ABCC8: variants seen among roughly 807,000 people sequenced by gnomAD.
ABCC8 encodes ATP binding cassette subfamily C member 8, also known as ATP-binding cassette sub-family C member 8.
Under a neutral mutation model 188.0 loss-of-function variants are expected in ABCC8, and 137 were observed. That is an observed-to-expected ratio of 0.73 (90% CI 0.63 to 0.84). The LOEUF (loss-of-function observed/expected upper bound fraction) is 0.84. Ranked by LOEUF, ABCC8 falls within the 40% of genes least tolerant of loss-of-function variation. The probability of loss-of-function intolerance (pLI) is 0.00; values close to 1 mark genes in which losing one functional copy is unlikely to be tolerated. For synonymous variants in ABCC8, 797 were observed against 846.5 expected, an observed-to-expected ratio of 0.94 and a Z score of 1.01; for missense variants, 1,750 against 2,072.7, an observed-to-expected ratio of 0.84 and a Z score of 3.02.
chr11:17,416,822 G>T, intron 17 of ABCC8, 108 bp downstream of exon 17: 1 of 1,491,022 alleles, frequency 6.7e-7, no homozygotes, highest in Non-Finnish European at 9.3e-7. Context: ...TATGTAGGCT[G>T]CACATCCCTG....
chr11:17,433,511 G>C (rs1353843659), intron 10 of ABCC8, among the ~76,000 whole-genome samples: 1 of 152,270 alleles, frequency 6.6e-6, no homozygotes, highest in Non-Finnish European at 1.5e-5. Flanking sequence ...GTACATCAGA[G>C]ATGTGGTCCC....
intron 6 of ABCC8, among the ~76,000 whole-genome samples, chr11:17,459,721 C>T (rs1361267224): frequency 6.6e-6 from 1 of 152,212 alleles, no homozygotes; most frequent in African/African-American, 2.4e-5. Flanking sequence ...ACCTAAACGG[C>T]TGCAAGGAAA....
chr11:17,400,720 C>T (rs1954197131), intron 29 of ABCC8, among the ~76,000 whole-genome samples: 2 of 152,370 alleles, frequency 1.3e-5, no homozygotes, highest in South Asian at 2.1e-4. Context: ...GCGCCAGCCC[C>T]CGCAGTCTGT....
chr11:17,423,075 C>T (rs774974742), intron 16 of ABCC8, among the ~76,000 whole-genome samples: 3 of 151,930 alleles, frequency 2.0e-5, no homozygotes, highest in Non-Finnish European at 2.9e-5. Context: ...AAAAGCGGGG[C>T]CGGCCAGGGG....
rs978356369 is a variant in ABCC8, at chr11:17,406,869, C to T, written c.3162+19G>A. On this transcript the variant is annotated intron_variant, in intron 25 of 38. Coordinates refer to ENST00000389817, the MANE Select transcript of ABCC8 (RefSeq NM_000352.6). Reference sequence around the variant, plus strand: ...CCCCATCCCCACTCCCAACCTCTGCCATGGGCCGCCAGTCACACCTGGCTG... The same window carrying T: ...CCCCATCCCCACTCCCAACCTCTGCTATGGGCCGCCAGTCACACCTGGCTG... 29 of 1,614,050 alleles carry T rather than the reference C, an allele frequency of 1.8e-5. No homozygotes were observed. The highest frequency in any genetic ancestry group is 2.5e-5 in the Non-Finnish European group (29 of 1,180,056).
chr11:17,394,649 G>C (rs1341554804), intron 36 of ABCC8, among the ~76,000 whole-genome samples: 1 of 152,168 alleles, frequency 6.6e-6, no homozygotes, highest in Non-Finnish European at 1.5e-5. Context: ...AGTTCTGGGA[G>C]GGGGCGTGTG....
chr11:17,432,288 C>T lies in ABCC8; in HGVS notation c.1631-44G>A, dbSNP rs1157767915. 7 of 1,551,752 alleles carry T rather than the reference C, an allele frequency of 4.5e-6. No individual in the cohort carries two copies. In the Admixed American group the frequency reaches 7.8e-5, roughly 17 times the overall value. On this transcript the variant is annotated intron_variant, in intron 10 of 38. Coordinates refer to ENST00000389817, the MANE Select transcript of ABCC8 (RefSeq NM_000352.6). ...GAGGCGTTTAGTGGGAGGAGCGTGA[C>T]AGCTACACATGGAGATGCCCAGGAT...
intron 4 of ABCC8, 150 bp from the exon 5 acceptor site, chr11:17,461,975 G>A: frequency 7.2e-7 from 1 of 1,392,698 alleles, no homozygotes; most frequent in Non-Finnish European, 9.5e-7. Context: ...CCAGGAAAAG[G>A]ATTCCCCAAC....
intron 35 of ABCC8, 70 bp downstream of exon 35, chr11:17,395,540 T>G: frequency 6.5e-7 from 1 of 1,528,468 alleles, no homozygotes. Context: ...CCCCCTCCTC[T>G]TTGTGCTCCA....
chr11:17,440,496 T>C (rs1956272786), intron 10 of ABCC8, among the ~76,000 whole-genome samples: 2 of 152,144 alleles, frequency 1.3e-5, no homozygotes, highest in South Asian at 4.1e-4. Context: ...TTAGCCTGAG[T>C]GTGTTTGGAG....
chr11:17,419,493 AAC>A (rs1252189130), intron 16 of ABCC8, among the ~76,000 whole-genome samples: 1 of 152,264 alleles, frequency 6.6e-6, no homozygotes, highest in Admixed American at 6.5e-5. Flanking sequence ...GGGAAAAGTA[AAC>A]ACAAATGCAT....
chr11:17,447,842 C>T (rs879595954), intron 8 of ABCC8, among the ~76,000 whole-genome samples: 2 of 152,140 alleles, frequency 1.3e-5, no homozygotes, highest in Admixed American at 6.6e-5. Flanking sequence ...ATCTTATACA[C>T]GCTTATTAGA....
chr11:17,424,366 C>T (rs1215031187), intron 16 of ABCC8, among the ~76,000 whole-genome samples: 1 of 152,176 alleles, frequency 6.6e-6, no homozygotes, highest in African/African-American at 2.4e-5. Context: ...GGGTCCTCTG[C>T]CTTGGAGAGG....
chr11:17,437,423 T>C (rs1054935539), intron 10 of ABCC8, among the ~76,000 whole-genome samples: 1 of 152,206 alleles, frequency 6.6e-6, no homozygotes, highest in African/African-American at 2.4e-5. Context: ...CAGAGAGGCA[T>C]AGCCAGCCAT....
At chr11:17,424,475 G>A (rs1333802441) in intron 16 of ABCC8, among the ~76,000 whole-genome samples, 1 of 152,322 alleles carries the variant, frequency 6.6e-6, no homozygotes, top group Middle Eastern at 3.4e-3. Context: ...GGTGGGGACT[G>A]AGGCAGGGCA....
intron 8 of ABCC8, among the ~76,000 whole-genome samples, chr11:17,447,583 A>G (rs569651545): frequency 2.0e-5 from 3 of 152,232 alleles, no homozygotes; most frequent in African/African-American, 4.8e-5. Flanking sequence ...GCACCACCAC[A>G]TCTGGCTAAA....
At chr11:17,460,840 A>T (rs1957163880) in intron 5 of ABCC8, 164 bp from the exon 6 acceptor site, 9 of 1,436,356 alleles carry the variant, frequency 6.3e-6, no homozygotes, top group Non-Finnish European at 8.3e-6. Flanking sequence ...CAGCAAGTGC[A>T]CAGTTGGGAG....
chr11:17,394,842 G>A (rs974330405), intron 36 of ABCC8, among the ~76,000 whole-genome samples: 3 of 152,102 alleles, frequency 2.0e-5, no homozygotes, highest in Non-Finnish European at 4.4e-5. Flanking sequence ...CTCCCCTAAG[G>A]CAGAACTGGG....
rs913334458 is a variant in ABCC8 at position 17,395,710 on chromosome 11, T to C, written c.4207A>G (p.Ile1403Val). 1.0e-5 allele frequency: 16 copies of C among 1,554,118 alleles called. No homozygotes were observed. The Admixed American group carries it at 3.1e-4, about 30-fold the overall frequency. The change falls in exon 35 of 39, where the codon ATC (isoleucine) becomes GTC (valine). Residue 1403 changes from isoleucine to valine, a missense_variant. Physicochemically the swap from Ile to Val is conservative, Grantham distance 29 (BLOSUM62 3). Transcript: ENST00000389817. ...RMVDTFEGHI[I>V]IDGIDIAKLP... Reference sequence around the variant, plus strand: ...TTGGCGATGTCAATGCCATCAATGATGATGTGCCCTGCATGGGTCCCAGTG... The same window carrying C: ...TTGGCGATGTCAATGCCATCAATGACGATGTGCCCTGCATGGGTCCCAGTG...
Sources: allele counts gnomAD v4.1 joint callset (sites outside exome capture counted in the v4.1 genomes callset), GRCh38; gene constraint gnomAD v4.1.1; transcripts MANE v1.5; gene names NCBI Gene and HGNC (gene_info 2026-07-23, HGNC 2026-07-21).